Variants in AGTR1 observed in about 807,000 individuals in gnomAD.
The protein encoded by AGTR1 is angiotensin II receptor type 1, also known as type-1 angiotensin II receptor.
In AGTR1, 16 loss-of-function variants were observed where a neutral mutation model predicts 19.4. The observed-to-expected ratio is 0.82, with a 90% CI of 0.56 to 1.25. The LOEUF is 1.25. AGTR1 is among the 50% of genes most tolerant of loss of function. The pLI is 0.00. For synonymous variants in AGTR1, 153 were observed against 154.9 expected, an observed-to-expected ratio of 0.99 and a Z score of 0.09; for missense variants, 373 against 431.9, an observed-to-expected ratio of 0.86 and a Z score of 1.21.
At chr3:148,702,374 T>C (rs1252347780) in intron 1 of AGTR1, among the ~76,000 whole-genome samples, 2 of 152,206 alleles carry the variant, frequency 1.3e-5, no homozygotes, top group Non-Finnish European at 2.9e-5. Context: ...TCTTATCTAC[T>C]TTGGAAAATG....
intron 2 of AGTR1, among the ~76,000 whole-genome samples, chr3:148,726,561 C>T (rs1464251911): frequency 1.3e-5 from 2 of 152,176 alleles, no homozygotes; most frequent in Admixed American, 1.3e-4. Context: ...CTCTTTTACT[C>T]ATTGCCTTTG....
intron 2 of AGTR1, among the ~76,000 whole-genome samples, chr3:148,711,746 G>A (rs1237749841): frequency 6.6e-6 from 1 of 151,998 alleles, no homozygotes; most frequent in Non-Finnish European, 1.5e-5. Flanking sequence ...TAGACAGACA[G>A]ACAGATAGAC....
At chr3:148,702,471 G>C (rs1489430184) in intron 1 of AGTR1, among the ~76,000 whole-genome samples, 1 of 152,120 alleles carries the variant, frequency 6.6e-6, no homozygotes, top group Non-Finnish European at 1.5e-5. Flanking sequence ...TAGGCCCTGA[G>C]GATACAAGCC....
intron 2 of AGTR1, among the ~76,000 whole-genome samples, chr3:148,721,527 A>G (rs190220316): frequency 6.6e-6 from 1 of 152,298 alleles, no homozygotes; most frequent in Admixed American, 6.5e-5. Context: ...TTTTCAAGAG[A>G]GTGGACATCA....
chr3:148,735,401 A>C (rs886878287), intron 2 of AGTR1, among the ~76,000 whole-genome samples: 2 of 152,166 alleles, frequency 1.3e-5, no homozygotes, highest in African/African-American at 4.8e-5. Flanking sequence ...CCAGGCACTC[A>C]GTCTTCCCAA....
intron 2 of AGTR1, chr3:148,730,128 C>T (rs574323654): frequency 4.5e-5 from 18 of 397,950 alleles, no homozygotes; most frequent in Non-Finnish European, 7.5e-5. Flanking sequence ...CACATGCTTG[C>T]TACTTCATCA....
chr3:148,703,428 G>C (rs984783411), intron 1 of AGTR1, among the ~76,000 whole-genome samples: 1 of 152,178 alleles, frequency 6.6e-6, no homozygotes, highest in Non-Finnish European at 1.5e-5. Context: ...CCTGTGGCTT[G>C]TTTAGAATAA....
chr3:148,700,536 G>T (rs116012378), intron 1 of AGTR1, among the ~76,000 whole-genome samples: 3 of 152,120 alleles, frequency 2.0e-5, no homozygotes, highest in East Asian at 1.9e-4. Context: ...CCCTCTAGCC[G>T]CATGCTTATT....
chr3:148,719,094 A>AT, intron 2 of AGTR1, among the ~76,000 whole-genome samples: 2 of 152,326 alleles, frequency 1.3e-5, no homozygotes, highest in South Asian at 4.1e-4. Flanking sequence ...ATCTTAAAAC[A>AT]TGCAATTAGG....
At chr3:148,710,058 C>T (rs536491621) in intron 2 of AGTR1, among the ~76,000 whole-genome samples, 2 of 152,218 alleles carry the variant, frequency 1.3e-5, no homozygotes, top group South Asian at 2.1e-4. Context: ...CTCAAGTGCT[C>T]AGTAGACACA....
intron 1 of AGTR1, among the ~76,000 whole-genome samples, chr3:148,699,195 G>T (rs986733332): frequency 6.6e-6 from 1 of 152,094 alleles, no homozygotes; most frequent in South Asian, 2.1e-4. Flanking sequence ...AGTAATAGAG[G>T]CAAGAAATTT....
chr3:148,701,922 C>G (rs937747239), intron 1 of AGTR1, among the ~76,000 whole-genome samples: 10 of 151,088 alleles, frequency 6.6e-5, no homozygotes, highest in Admixed American at 1.3e-4. Context: ...TTTAAGTACT[C>G]TGTATGCTTA....
intron 2 of AGTR1, among the ~76,000 whole-genome samples, chr3:148,726,421 C>A (rs934699622): frequency 6.6e-6 from 1 of 152,066 alleles, no homozygotes; most frequent in Non-Finnish European, 1.5e-5. Flanking sequence ...GCTGGCCAGG[C>A]TGGTCTCGAG....
At chr3:148,718,643 T>G (rs553949743) in intron 2 of AGTR1, among the ~76,000 whole-genome samples, 1 of 152,334 alleles carries the variant, frequency 6.6e-6, no homozygotes, top group African/African-American at 2.4e-5. Context: ...AACAGAGCCT[T>G]CTAAGACTGA....
At chr3:148,725,585 C>A (rs1009301303) in intron 2 of AGTR1, among the ~76,000 whole-genome samples, 7 of 152,096 alleles carry the variant, frequency 4.6e-5, no homozygotes, top group African/African-American at 9.7e-5. Flanking sequence ...TGGGTTCAAG[C>A]GATTCTCCTG....
intron 2 of AGTR1, among the ~76,000 whole-genome samples, chr3:148,708,740 GTCCGGGATT>G (rs527725239): frequency 2.0e-5 from 3 of 152,264 alleles, no homozygotes; most frequent in East Asian, 3.9e-4. Context: ...CATAACAAGA[GTCCGGGATT>G]TACCTAACTA....
At chr3:148,700,963 A>C (rs542609259) in intron 1 of AGTR1, among the ~76,000 whole-genome samples, 5 of 152,212 alleles carry the variant, frequency 3.3e-5, no homozygotes, top group Non-Finnish European at 7.3e-5. Flanking sequence ...AGCAACAGTA[A>C]ATTTGATCGA....
intron 1 of AGTR1, among the ~76,000 whole-genome samples, chr3:148,707,704 A>T (rs941165458): frequency 6.6e-6 from 1 of 152,248 alleles, no homozygotes; most frequent in Non-Finnish European, 1.5e-5. Flanking sequence ...TGCCTAATGT[A>T]TATCTACAAG....
At position 148,698,065 on chromosome 3, in the gene AGTR1, G is replaced by A. The variant is rs1712070497; in HGVS notation, c.-194G>A. 1 of 152,166 alleles carries A rather than the reference G, an allele frequency of 6.6e-6. No homozygotes were observed. The allele number at this position is 152,166 out of a possible 1,614,324, so 9.4% of individuals were successfully genotyped here. The stretch of plus-strand genomic sequence containing the variant: ...CACAGCCGGGACGCCGAGGCGGCGG[G>A]CGGGAGACCCGCACCAGCGCAGCCG... On this transcript the variant is annotated 5_prime_UTR_variant, in exon 1 of 3. Coordinates refer to ENST00000349243, the MANE Select transcript of AGTR1 (RefSeq NM_000685.5).
Sources: allele counts gnomAD v4.1 joint callset (sites outside exome capture counted in the v4.1 genomes callset), GRCh38; gene constraint gnomAD v4.1.1; transcripts MANE v1.5; gene names NCBI Gene and HGNC (gene_info 2026-07-23, HGNC 2026-07-21).